Variants in DCAF16 observed in about 807,000 individuals in gnomAD.
DCAF16 encodes the protein DDB1- and CUL4-associated factor 16.
Under a neutral mutation model 17.3 loss-of-function variants are expected in DCAF16, and 10 were observed. The observed-to-expected ratio is 0.58, with a 90% CI of 0.36 to 0.98. DCAF16 has a LOEUF of 0.98. Ranked by LOEUF, DCAF16 falls within the 50% of genes least tolerant of loss-of-function variation. DCAF16 has a pLI of 0.01. For missense variants in DCAF16, 249 were observed against 247.6 expected (o/e 1.01, Z -0.04); for synonymous variants, 111 against 92.8 (o/e 1.20, Z -1.12).
At chr4:17,794,284 A>G in the DCAF16 span, among the ~76,000 whole-genome samples, 1 of 152,206 alleles carries the variant, frequency 6.6e-6, no homozygotes, top group African/African-American at 2.4e-5. Flanking sequence ...AAGTCTAAAC[A>G]TGAAATTCAT....
the DCAF16 span, among the ~76,000 whole-genome samples, chr4:17,793,914 G>C: frequency 4.6e-5 from 7 of 152,180 alleles, no homozygotes; most frequent in South Asian, 2.1e-4. Context: ...TTTGATGACA[G>C]AGAGAAAAAC....
intron 1 of DCAF16, among the ~76,000 whole-genome samples, chr4:17,805,426 G>GT (rs922328224): frequency 1.3e-5 from 2 of 151,838 alleles, no homozygotes; most frequent in Admixed American, 6.6e-5. Context: ...TCCCAGGAAA[G>GT]TAAGAATAGC....
Position 17,803,321 on chromosome 4 carries a change from G to A in DCAF16, c.*170C>T. The A allele has an allele frequency of 9.1e-6, 6 of 662,384 alleles. No homozygotes were observed. Among genetic ancestry groups the A allele is most frequent in the Non-Finnish European group, 1.5e-5 (6 of 388,864 alleles). 41.0% of individuals were successfully genotyped at this position (662,384 alleles called of 1,614,324 possible). On this transcript the variant is annotated 3_prime_UTR_variant, in exon 3 of 3. Transcript: ENST00000382247. ...ATTACAGGTGTGAGCCACCATGCCT[G>A]ACCTTGATATTATCATTTTATCCAC...
chr4:17,796,949 C>T (rs1577307255), downstream of DCAF16, among the ~76,000 whole-genome samples: 1 of 152,014 alleles, frequency 6.6e-6, no homozygotes, highest in Admixed American at 6.6e-5. Context: ...TTCCTTGCCC[C>T]CAGTCTCTTA....
chr4:17,807,172 G>A (rs758890969), intron 1 of DCAF16, among the ~76,000 whole-genome samples: 7 of 152,148 alleles, frequency 4.6e-5, no homozygotes, highest in Non-Finnish European at 8.8e-5. Context: ...TTTGTGAAAT[G>A]AGGCCAGGGA....
chr4:17,794,307 T>C, the DCAF16 span, among the ~76,000 whole-genome samples: 1 of 152,156 alleles, frequency 6.6e-6, no homozygotes, highest in Non-Finnish European at 1.5e-5. Context: ...ATGTTTCATA[T>C]ATACATAGCT....
chr4:17,793,455 T>C, the DCAF16 span, among the ~76,000 whole-genome samples: 1 of 152,212 alleles, frequency 6.6e-6, no homozygotes, highest in Non-Finnish European at 1.5e-5. Context: ...AGAATGTTTA[T>C]TATAGCTTTA....
At chr4:17,797,515 C>G (rs1309077304), downstream of DCAF16, among the ~76,000 whole-genome samples, 1 of 152,168 alleles carries the variant, frequency 6.6e-6, no homozygotes, top group East Asian at 1.9e-4. Flanking sequence ...ACTTAAGTAC[C>G]AAGTAGGTAG....
downstream of DCAF16, among the ~76,000 whole-genome samples, chr4:17,799,675 T>A (rs185191742): frequency 1.4e-3 from 209 of 152,234 alleles, 1 homozygote; most frequent in African/African-American, 2.8e-3. Context: ...ACTTTTTTTT[T>A]AAAATATGGA....
intron 1 of DCAF16, chr4:17,809,574 T>C (rs1720664243): frequency 6.6e-6 from 1 of 152,206 alleles, no homozygotes; most frequent in Non-Finnish European, 1.5e-5. Flanking sequence ...GAGAAAGATG[T>C]ACAGGTGGCT....
downstream of DCAF16, among the ~76,000 whole-genome samples, chr4:17,796,611 G>A (rs1035365436): frequency 6.6e-5 from 10 of 152,152 alleles, no homozygotes; most frequent in African/African-American, 2.4e-4. Flanking sequence ...GGAGGCCAAG[G>A]CAGGGAAATT....
At chr4:17,798,281 C>T (rs925637728), downstream of DCAF16, among the ~76,000 whole-genome samples, 5 of 150,520 alleles carry the variant, frequency 3.3e-5, no homozygotes, top group South Asian at 4.2e-4. Context: ...ATAACCCTAT[C>T]GCTGTCTTCC....
downstream of DCAF16, among the ~76,000 whole-genome samples, chr4:17,799,441 A>T (rs1299064198): frequency 1.3e-5 from 2 of 152,254 alleles, no homozygotes; most frequent in African/African-American, 4.8e-5. Context: ...CAGTGTCTGC[A>T]CTAGAGTAGG....
chr4:17,809,324 T>C (rs1288482576), intron 1 of DCAF16: 1 of 152,134 alleles, frequency 6.6e-6, no homozygotes, highest in Admixed American at 6.5e-5. Context: ...TAAGTGCAAG[T>C]TACTATTATG....
downstream of DCAF16, among the ~76,000 whole-genome samples, chr4:17,799,214 G>C (rs1719577918): frequency 6.6e-6 from 1 of 152,132 alleles, no homozygotes. Flanking sequence ...CCCTCCAGAT[G>C]AATCTTCATT....
chr4:17,794,946 T>TCCTGGGA, the DCAF16 span, among the ~76,000 whole-genome samples: 4 of 152,214 alleles, frequency 2.6e-5, no homozygotes, highest in Admixed American at 2.0e-4. Context: ...ACAGTAGTCA[T>TCCTGGGA]CCTGGGACTT....
At position 17,803,779 on chromosome 4, in the gene DCAF16, G is replaced by C; in HGVS notation, c.363C>G (p.Val121=). The change falls in exon 3 of 3, where the codon GTC becomes GTG. Residue 121 remains valine, a synonymous_variant. Coordinates refer to ENST00000382247, the MANE Select transcript of DCAF16 (RefSeq NM_017741.4). ...TTGTAAGAGGCTTTTGAAAAGGTGG[G>C]ACTCCACAAGAGGCCAGAGGGGGCC... ...PEWPPLASCG[V]PPFQKPLTSP... is the part of the protein sequence containing the mutation. 6.2e-7 allele frequency: 1 copy of C among 1,614,094 alleles called. No individual in the cohort carries two copies.
In DCAF16 at chr4:17,807,929, C is replaced by G. The variant is rs1216448246; in HGVS notation, c.-750+2518G>C. On this transcript the variant is annotated intron_variant, in intron 1 of 2. Transcript: ENST00000382247. The stretch of plus-strand genomic sequence containing the variant: ...CTCTAATGAGTATTTCTCTGGCTTT[C>G]ACACACTCCTAGCACAGTGTCTGGC... Among the ~76,000 whole-genome samples the G allele has an allele frequency of 2.0e-5, 3 of 149,144 alleles. No homozygotes were observed. In the East Asian group the frequency reaches 5.9e-4, roughly 29 times the overall value.
At position 17,803,858 on chromosome 4, in the gene DCAF16, A is replaced by G; in HGVS notation, c.284T>C (p.Leu95Pro). The change falls in exon 3 of 3, where the codon CTA (leucine) becomes CCA (proline). Residue 95 changes from leucine to proline, a missense_variant. Physicochemically the swap from Leu to Pro is moderately conservative, Grantham distance 98. Transcript: ENST00000382247. ...TPVHILREIG[L>P]RLSHCSHCVP... is the part of the protein sequence containing the mutation. ...ACAATGGGAACAATGGGAGAGTCTT[A>G]GACCTATCTCTCGAAGTATATGGAC... 2 of 1,614,248 alleles carry G rather than the reference A, an allele frequency of 1.2e-6. No homozygotes were observed. Among genetic ancestry groups the G allele is most frequent in the Non-Finnish European group, 1.7e-6 (2 of 1,180,038 alleles).
Sources: gnomAD v4.1 joint callset for allele counts (sites outside exome capture counted in the v4.1 genomes callset) on GRCh38, gnomAD v4.1.1 for gene constraint, MANE v1.5 for transcripts, NCBI Gene and HGNC (gene_info 2026-07-23, HGNC 2026-07-21) for gene names.